MAN2A1: variants seen among roughly 807,000 people sequenced by gnomAD.
MAN2A1 encodes the protein mannosidase alpha class 2A member 1.
MAN2A1 carries 76 observed loss-of-function variants against 142.6 expected under a neutral mutation model. The observed-to-expected ratio is 0.53, with a 90% confidence interval of 0.44 to 0.65. The LOEUF is 0.65. MAN2A1 is among the 30% of genes least tolerant of loss of function. The pLI is 0.00. For synonymous variants in MAN2A1, 559 were observed against 473.2 expected (o/e 1.18, Z -2.35); for missense variants, 1,311 against 1,365.1 (o/e 0.96, Z 0.62).
chr5:109,797,329 G>A (rs1042089124), intron 12 of MAN2A1, among the ~76,000 whole-genome samples: 2 of 152,002 alleles, frequency 1.3e-5, no homozygotes, highest in African/African-American at 2.4e-5. Flanking sequence ...GAAACAAGGT[G>A]AAACACTGAA....
At chr5:109,838,136 C>A (rs1240486897) in intron 16 of MAN2A1, among the ~76,000 whole-genome samples, 1 of 152,000 alleles carries the variant, frequency 6.6e-6, no homozygotes, top group Non-Finnish European at 1.5e-5. Flanking sequence ...TGTAGTGGGA[C>A]CTTCTGAAGG....
chr5:109,865,187 T>C (rs755568015), intron 21 of MAN2A1, 41 bp downstream of exon 21: 12 of 1,362,950 alleles, frequency 8.8e-6, no homozygotes, highest in Non-Finnish European at 1.3e-5. Flanking sequence ...TTAGTGTGCT[T>C]TGAAATCCTC....
chr5:109,690,901 G>A (rs1395297393), intron 1 of MAN2A1, among the ~76,000 whole-genome samples: 2 of 152,148 alleles, frequency 1.3e-5, no homozygotes, highest in Non-Finnish European at 2.9e-5. Context: ...CCCGGGGCCC[G>A]CGTATCCCGG....
At chr5:109,795,050 C>T (rs1196279859) in intron 12 of MAN2A1, among the ~76,000 whole-genome samples, 1 of 152,050 alleles carries the variant, frequency 6.6e-6, no homozygotes, top group African/African-American at 2.4e-5. Context: ...ATTCAAGGTA[C>T]CTGCAAGATG....
chr5:109,789,816 T>C (rs891221368), intron 12 of MAN2A1, among the ~76,000 whole-genome samples: 1 of 151,826 alleles, frequency 6.6e-6, no homozygotes, highest in African/African-American at 2.4e-5. Context: ...CTCTATAAAA[T>C]TTTCAGATTA....
chr5:109,716,335 C>T, intron 3 of MAN2A1, 71 bp downstream of exon 3: 1 of 1,273,084 alleles, frequency 7.9e-7, no homozygotes, highest in South Asian at 1.5e-5. Context: ...TAATGAGAAT[C>T]TGGTAGAGGC....
intron 20 of MAN2A1, chr5:109,863,142 T>A (rs1386665314): frequency 6.6e-6 from 1 of 152,134 alleles, no homozygotes; most frequent in Non-Finnish European, 1.5e-5. Flanking sequence ...ATGCTTTAGG[T>A]TAGTAGTGAT....
chr5:109,690,774 C>T (rs549307143), intron 1 of MAN2A1, among the ~76,000 whole-genome samples: 1 of 152,204 alleles, frequency 6.6e-6, no homozygotes, highest in Non-Finnish European at 1.5e-5. Context: ...GCGGCGGCGG[C>T]GGCATCATCC....
intron 1 of MAN2A1, among the ~76,000 whole-genome samples, chr5:109,701,395 T>C (rs938088753): frequency 6.6e-6 from 1 of 152,158 alleles, no homozygotes; most frequent in Non-Finnish European, 1.5e-5. Context: ...TGAAGAGTAG[T>C]TGGGAAAACA....
At chr5:109,830,652 A>G (rs750069346) in intron 16 of MAN2A1, among the ~76,000 whole-genome samples, 1 of 152,178 alleles carries the variant, frequency 6.6e-6, no homozygotes, top group African/African-American at 2.4e-5. Flanking sequence ...TATATTCCAT[A>G]TTTAGTTTGA....
At chr5:109,841,429 A>G (rs1450359397) in intron 16 of MAN2A1, among the ~76,000 whole-genome samples, 1 of 152,178 alleles carries the variant, frequency 6.6e-6, no homozygotes, top group African/African-American at 2.4e-5. Flanking sequence ...CTTCACTTAG[A>G]ATAATAGTCT....
At position 109,781,627 on chromosome 5, in the gene MAN2A1, A is replaced by G. The variant is rs773276729; in HGVS notation, c.1577+29A>G. 13 of 1,429,274 alleles carry G rather than the reference A, an allele frequency of 9.1e-6. No homozygotes were observed. The East Asian group carries it at 1.2e-4, about 13-fold the overall frequency. The allele number at this position is 1,429,274 out of a possible 1,614,324, so 88.5% of individuals were successfully genotyped here. A position where few individuals can be genotyped will look rare whatever the true frequency, so the allele number is the denominator to read the frequency against. ...CTTTTACCTTTCTATAGCTACATGT[A>G]TTTTTTCACTTTATATTATCATAAT... On this transcript the variant is annotated intron_variant, in intron 9 of 21. Coordinates refer to ENST00000261483, the MANE Select transcript of MAN2A1 (RefSeq NM_002372.4).
At chr5:109,728,510 C>T (rs1751809847) in intron 3 of MAN2A1, among the ~76,000 whole-genome samples, 1 of 151,792 alleles carries the variant, frequency 6.6e-6, no homozygotes, top group Non-Finnish European at 1.5e-5. Flanking sequence ...TACGTTTTTG[C>T]TTGGCCGTTT....
intron 1 of MAN2A1, among the ~76,000 whole-genome samples, chr5:109,694,691 C>G (rs1032055949): frequency 2.6e-5 from 4 of 151,380 alleles, no homozygotes; most frequent in Non-Finnish European, 5.9e-5. Flanking sequence ...AATACACATA[C>G]AGAAATGTGC....
chr5:109,711,730 C>T (rs1751306913), intron 1 of MAN2A1, among the ~76,000 whole-genome samples: 3 of 152,182 alleles, frequency 2.0e-5, no homozygotes, highest in South Asian at 4.1e-4. Flanking sequence ...TGTGCTCCCT[C>T]TCTTGCCTTT....
chr5:109,819,337 G>A (rs1310846987), intron 13 of MAN2A1, among the ~76,000 whole-genome samples: 7 of 152,138 alleles, frequency 4.6e-5, no homozygotes, highest in African/African-American at 9.7e-5. Context: ...GAGTTGAGGA[G>A]CATCTGCATT....
chr5:109,817,258 C>T lies in MAN2A1; in HGVS notation c.1944-15C>T, dbSNP rs1220315240. On this transcript the variant is annotated splice_polypyrimidine_tract_variant and intron_variant, in intron 12 of 21. Transcript: ENST00000261483. ...ATATTTTGAGATCCCAATAATGAAG[C>T]AGCTGTTTTTGCAGGTACCTTGTGG... The T allele has an allele frequency of 1.2e-6, 2 of 1,610,346 alleles. No homozygotes were observed. The highest frequency in any genetic ancestry group is 1.3e-5 in the African/African-American group (1 of 74,720).
At position 109,823,752 on chromosome 5, in the gene MAN2A1, C is replaced by T. The variant is rs1463735489; in HGVS notation, c.2481C>T (p.Val827=). Reference sequence around the variant, plus strand: ...ATGTTTACACAACACCGCCCTTTGTCAGAGTGACACATGGAAGGATTTATT... The same window carrying T: ...ATGTTTACACAACACCGCCCTTTGTTAGAGTGACACATGGAAGGATTTATT... The part of the protein sequence containing the change: ...KPYVYTTPPF[V]RVTHGRIYSE... Residue 827 remains valine (V), a synonymous_variant, in exon 16 of 22, where the codon GTC becomes GTT. Coordinates refer to ENST00000261483, the MANE Select transcript of MAN2A1 (RefSeq NM_002372.4). The T allele has an allele frequency of 1.2e-6, 2 of 1,607,640 alleles. No individual in the cohort carries two copies. Among genetic ancestry groups the T allele is most frequent in the South Asian group, 2.2e-5 (2 of 89,700 alleles).
At chr5:109,793,832 G>T (rs1289829321) in intron 12 of MAN2A1, among the ~76,000 whole-genome samples, 2 of 152,140 alleles carry the variant, frequency 1.3e-5, no homozygotes, top group Non-Finnish European at 2.9e-5. Flanking sequence ...GGCTTTATCA[G>T]ATTGGTTTTT....
Sources: gnomAD v4.1 joint callset for allele counts (sites outside exome capture counted in the v4.1 genomes callset) on GRCh38, gnomAD v4.1.1 for gene constraint, MANE v1.5 for transcripts, NCBI Gene and HGNC (gene_info 2026-07-23, HGNC 2026-07-21) for gene names.